The following KCNAB2 variants were observed in gnomAD, a reference collection of about 807,000 sequenced individuals.
The protein encoded by KCNAB2 is potassium voltage-gated channel subfamily A regulatory beta subunit 2.
Under a neutral mutation model 63.6 loss-of-function variants are expected in KCNAB2, and 29 were observed. The observed-to-expected ratio is 0.46, with a 90% confidence interval of 0.34 to 0.62. The LOEUF (loss-of-function observed/expected upper bound fraction) is 0.62, where lower values mean the gene tolerates loss of function less well. Ranked by LOEUF, KCNAB2 falls within the 20% of genes least tolerant of loss-of-function variation. The pLI is 0.01. For synonymous variants in KCNAB2, 222 were observed against 224.2 expected, an observed-to-expected ratio of 0.99 and a Z score of 0.09; for missense variants, 359 against 563.9, an observed-to-expected ratio of 0.64 and a Z score of 3.68.
At chr1:6,009,660 C>T (rs896647464) in intron 1 of KCNAB2, among the ~76,000 whole-genome samples, 1 of 152,200 alleles carries the variant, frequency 6.6e-6, no homozygotes, top group African/African-American at 2.4e-5. Flanking sequence ...GCTTTCTGCC[C>T]TGCGGTTCCA....
chr1:6,037,905 C>T (rs1358008884), intron 1 of KCNAB2, among the ~76,000 whole-genome samples: 2 of 133,764 alleles, frequency 1.5e-5, no homozygotes, highest in African/African-American at 5.7e-5. Context: ...GGCGGGGTCT[C>T]GCTCTGTCAC....
At chr1:6,044,132 T>G (rs1660728452), upstream of KCNAB2, among the ~76,000 whole-genome samples, 1 of 152,036 alleles carries the variant, frequency 6.6e-6, no homozygotes, top group African/African-American at 2.4e-5. Context: ...AAAGTAAGTC[T>G]CAGGAACCAG....
At chr1:6,050,482 A>G (rs1327418403) in intron 1 of KCNAB2, among the ~76,000 whole-genome samples, 1 of 152,160 alleles carries the variant, frequency 6.6e-6, no homozygotes, top group African/African-American at 2.4e-5. Flanking sequence ...TCACTGGTCC[A>G]CTCACTGTTG....
intron 1 of KCNAB2, among the ~76,000 whole-genome samples, chr1:5,998,548 G>A (rs560796751): frequency 4.6e-5 from 7 of 152,258 alleles, no homozygotes; most frequent in Admixed American, 2.6e-4. Flanking sequence ...GCCAAGGGTC[G>A]CCAAGGGTAC....
intron 1 of KCNAB2, among the ~76,000 whole-genome samples, chr1:6,039,140 G>A (rs980281787): frequency 5.8e-4 from 89 of 152,332 alleles, no homozygotes; most frequent in Non-Finnish European, 6.0e-4. Context: ...GGGGCTCATG[G>A]CGCTGAGAAG....
In KCNAB2 at chr1:6,096,886, T is replaced by A; in HGVS notation, c.1069+130T>A. 8.1e-7 allele frequency: 1 copy of A among 1,230,806 alleles called. No homozygotes were observed. Among genetic ancestry groups the A allele is most frequent in the Non-Finnish European group, 1.1e-6 (1 of 914,756 alleles). 76.2% of individuals were successfully genotyped at this position (1,230,806 alleles called of 1,614,324 possible). ...AGAGGGAAGGGATCCCTGGACATCA[T>A]CCCCCAGCCAGCCTCGGGTAATCGG... On this transcript the variant is annotated intron_variant, in intron 14 of 15. Coordinates refer to ENST00000378083, the MANE Select transcript of KCNAB2 (RefSeq NM_001199862.2). The surrounding 1 kb of genome is among the most constrained non-coding windows in gnomAD (Gnocchi z 5.9).
chr1:6,052,374 C>T (rs528326025), intron 2 of KCNAB2, among the ~76,000 whole-genome samples: 1 of 151,630 alleles, frequency 6.6e-6, no homozygotes, highest in African/African-American at 2.4e-5. Flanking sequence ...TGCAGTGAGC[C>T]GTGATCGCAC....
In KCNAB2 at chr1:6,071,995, C is replaced by T. The variant is rs1012103851; in HGVS notation, c.219-760C>T. On this transcript the variant is annotated intron_variant, in intron 2 of 15. Coordinates refer to ENST00000378083, the MANE Select transcript of KCNAB2 (RefSeq NM_001199862.2). The surrounding 1 kb of genome is among the most constrained non-coding windows in gnomAD (Gnocchi z 8.5). ...GGCTCCTAGGCAACCTGTGCCAGGA[C>T]ATACGGGCATGCCGGTCCTCAGCAG... Among the ~76,000 whole-genome samples the T allele has an allele frequency of 1.3e-5, 2 of 152,178 alleles. No homozygotes were observed. The highest frequency in any genetic ancestry group is 1.9e-4 in the East Asian group (1 of 5,192).
Position 6,013,627 on chromosome 1 carries a change from A to G in KCNAB2, c.-53+20839A>G, listed in dbSNP as rs573579439. ...AGAAACTGACCACTCACCTCTGGAA[A>G]CCCAGGAGCCACCTGCACCCCTGTC... On this transcript the variant is annotated intron_variant, in intron 1 of 16. Coordinates refer to the KCNAB2 transcript ENST00000341524. Among the ~76,000 whole-genome samples, 3 of 151,990 alleles carry G rather than the reference A, an allele frequency of 2.0e-5. No individual in the cohort carries two copies. The East Asian group carries it at 5.8e-4, about 29-fold the overall frequency.
At chr1:6,081,878 G>C (rs1373525138) in intron 4 of KCNAB2, among the ~76,000 whole-genome samples, 6 of 152,254 alleles carry the variant, frequency 3.9e-5, no homozygotes, top group African/African-American at 1.4e-4. Flanking sequence ...TGGGGATACT[G>C]TTCGACCCAG....
intron 1 of KCNAB2, among the ~76,000 whole-genome samples, chr1:6,005,042 TGAGCTGAGGGGTGAGGGTAGA>T (rs1657508646): frequency 1.2e-5 from 1 of 82,928 alleles, no homozygotes; most frequent in Non-Finnish European, 2.5e-5. Flanking sequence ...ACGCGGGGGC[TGAGCTGAGGGGTGAGGGTAGA>T]GTGGGGGACA....
chr1:6,024,350 G>A lies in KCNAB2; in HGVS notation c.-52-16167G>A, dbSNP rs1380193697. On this transcript the variant is annotated intron_variant, in intron 1 of 16. Coordinates refer to the KCNAB2 transcript ENST00000341524. The surrounding 1 kb of genome is among the most constrained non-coding windows in gnomAD (Gnocchi z 5.4). ...ATCCTCCCACCCTGGCCTCCAAAGT[G>A]CTGGGTTACAGGTGTGAGCCACCGC... is the stretch of plus-strand genomic sequence containing the variant. Among the ~76,000 whole-genome samples the A allele has an allele frequency of 6.6e-6, 1 of 152,142 alleles. No homozygotes were observed. The highest frequency in any genetic ancestry group is 2.4e-5 in the African/African-American group (1 of 41,428).
exon 1 of KCNAB2, chr1:6,034,624 C>T (rs1231655088): frequency 6.6e-6 from 1 of 152,268 alleles, no homozygotes; most frequent in Non-Finnish European, 1.5e-5. Context: ...CTGAGCACCC[C>T]CACTGGACAC....
At chr1:5,999,356 C>T (rs1657109140) in intron 1 of KCNAB2, among the ~76,000 whole-genome samples, 1 of 152,144 alleles carries the variant, frequency 6.6e-6, no homozygotes, top group Non-Finnish European at 1.5e-5. Context: ...TCCCTGGTGA[C>T]TCAGATCAGG....
rs1210130753 is a variant in KCNAB2 at position 6,046,082 on chromosome 1, C to G, written c.-128C>G. The G allele has an allele frequency of 5.1e-6, 5 of 985,314 alleles. No homozygotes were observed. Among genetic ancestry groups the G allele is most frequent in the African/African-American group, 3.5e-5 (2 of 57,234 alleles). 61.0% of individuals were successfully genotyped at this position (985,314 alleles called of 1,614,324 possible). A position where few individuals can be genotyped will look rare whatever the true frequency, so the allele number is the denominator to read the frequency against. ...GCTTCTGACGTCCTGCAGTGACACT[C>G]CCTAATGAAAAAGCCGCTGTGCCAG... On this transcript the variant is annotated 5_prime_UTR_variant, in exon 1 of 16. Transcript: ENST00000378083.
intron 5 of KCNAB2, among the ~76,000 whole-genome samples, chr1:6,084,998 TG>T (rs1231634894): frequency 8.6e-5 from 13 of 152,018 alleles, no homozygotes; most frequent in Non-Finnish European, 1.9e-4. Flanking sequence ...GCCATCCTAG[TG>T]GGGGGCAATA....
At position 6,024,968 on chromosome 1, in the gene KCNAB2, C is replaced by G. The variant is rs974863439; in HGVS notation, c.-52-15549C>G. Among the ~76,000 whole-genome samples, 2 of 152,216 alleles carry G rather than the reference C, an allele frequency of 1.3e-5. No individual in the cohort carries two copies. The highest frequency in any genetic ancestry group is 1.5e-5 in the Non-Finnish European group (1 of 68,028). On this transcript the variant is annotated intron_variant, in intron 1 of 16. Transcript: ENST00000341524. This position sits in a 1 kb window ranked among gnomAD's most constrained non-coding sequence, Gnocchi z 5.4. ...AGCATGTCATAGTCAGGGTTGGGAG[C>G]AAGGCCCAGAGCTGGCTCAACATGG...
chr1:6,099,889 G>T lies in KCNAB2; in HGVS notation c.*1315G>T. On this transcript the variant is annotated 3_prime_UTR_variant, in exon 16 of 16. Transcript: ENST00000378083. Reference sequence around the variant, plus strand: ...CGTGCAGCTTGGGCCGGAGGGCAAGGGATGCCAGTAAGTCTGCAGGTGCGG... The same window carrying T: ...CGTGCAGCTTGGGCCGGAGGGCAAGTGATGCCAGTAAGTCTGCAGGTGCGG... 6.5e-7 allele frequency: 1 copy of T among 1,550,332 alleles called. No individual in the cohort carries two copies. Among genetic ancestry groups the T allele is most frequent in the Non-Finnish European group, 8.7e-7 (1 of 1,146,892 alleles).
Position 6,072,933 on chromosome 1 carries a change from G to T in KCNAB2, c.262+135G>T, listed in dbSNP as rs531179555. On this transcript the variant is annotated intron_variant, in intron 3 of 15. Coordinates refer to ENST00000378083, the MANE Select transcript of KCNAB2 (RefSeq NM_001199862.2). ...TCCCCAGGGAGTAGCTGCACCCAGA[G>T]CCCAGGATTCAGGGGGGCTCGGTTG... is the stretch of plus-strand genomic sequence containing the variant. 53 of 732,596 alleles carry T rather than the reference G, an allele frequency of 7.2e-5. No homozygotes were observed. In the African/African-American group the frequency reaches 8.0e-4, roughly 11 times the overall value. 45.4% of individuals were successfully genotyped at this position (732,596 alleles called of 1,614,324 possible). A position where few individuals can be genotyped will look rare whatever the true frequency, so the allele number is the denominator to read the frequency against.
Sources: allele counts gnomAD v4.1 joint callset (sites outside exome capture counted in the v4.1 genomes callset), GRCh38; gene constraint gnomAD v4.1.1; non-coding constraint Gnocchi (gnomAD v3.1); transcripts MANE v1.5; gene names NCBI Gene and HGNC (gene_info 2026-07-23, HGNC 2026-07-21).